The following TMTC2 variants were observed in gnomAD, a reference collection of about 807,000 sequenced individuals.
The protein encoded by TMTC2 is protein O-mannosyl-transferase TMTC2.
Under a neutral mutation model 82.4 loss-of-function variants are expected in TMTC2, and 43 were observed. That is an observed-to-expected ratio of 0.52 (90% CI 0.41 to 0.67). The LOEUF is 0.67. Among genes scored for constraint, TMTC2 ranks in the 30% least tolerant of loss-of-function variants. TMTC2 has a pLI of 0.00. For synonymous variants in TMTC2, 408 were observed against 381.9 expected, an observed-to-expected ratio of 1.07 and a Z score of -0.80; for missense variants, 919 against 1,012.4, an observed-to-expected ratio of 0.91 and a Z score of 1.25.
At chr12:82,892,882 A>T (rs757033957) in intron 2 of TMTC2, among the ~76,000 whole-genome samples, 13 of 152,124 alleles carry the variant, frequency 8.5e-5, no homozygotes, top group Non-Finnish European at 1.5e-4. Context: ...GTATAATCTA[A>T]GAGTACTCAA....
At chr12:83,061,537 G>A (rs955090547) in intron 10 of TMTC2, among the ~76,000 whole-genome samples, 2 of 151,652 alleles carry the variant, frequency 1.3e-5, no homozygotes, top group Non-Finnish European at 1.5e-5. Context: ...ATATGTAAAT[G>A]TGAAATAACA....
intron 1 of TMTC2, among the ~76,000 whole-genome samples, chr12:82,847,212 C>A (rs1287990042): frequency 6.6e-6 from 1 of 152,160 alleles, no homozygotes; most frequent in Non-Finnish European, 1.5e-5. Context: ...GGTTAAGTGG[C>A]AAATGAGTGC....
chr12:82,982,661 A>G (rs181333566), intron 7 of TMTC2, among the ~76,000 whole-genome samples: 2 of 152,094 alleles, frequency 1.3e-5, no homozygotes, highest in East Asian at 3.9e-4. Context: ...TTAATTCAAT[A>G]GATAAGCCCA....
intron 1 of TMTC2, among the ~76,000 whole-genome samples, chr12:82,745,702 T>C (rs1323270824): frequency 6.6e-6 from 1 of 152,178 alleles, no homozygotes; most frequent in Non-Finnish European, 1.5e-5. Context: ...CAGCCTGCAA[T>C]AGAACAGGAT....
chr12:82,690,259 C>T (rs919277914), intron 1 of TMTC2: 1 of 433,030 alleles, frequency 2.3e-6, no homozygotes. Context: ...TGCAAAGATT[C>T]ATGTTTAAAA....
intron 1 of TMTC2, among the ~76,000 whole-genome samples, chr12:82,713,358 GAA>G (rs1159212306): frequency 6.6e-6 from 1 of 151,844 alleles, no homozygotes; most frequent in Non-Finnish European, 1.5e-5. Context: ...CAAAAACCGA[GAA>G]AGAGAGAAAG....
At chr12:83,011,209 C>A (rs1047693994) in intron 8 of TMTC2, among the ~76,000 whole-genome samples, 10 of 152,174 alleles carry the variant, frequency 6.6e-5, no homozygotes, top group Non-Finnish European at 1.5e-4. Flanking sequence ...GCCTGACTTC[C>A]TTTTCCATTA....
intron 7 of TMTC2, among the ~76,000 whole-genome samples, chr12:82,971,127 A>G (rs1841734343): frequency 1.3e-5 from 2 of 152,208 alleles, no homozygotes; most frequent in South Asian, 4.1e-4. Context: ...TTATAAAATA[A>G]TCTCTTTAAT....
intron 11 of TMTC2, among the ~76,000 whole-genome samples, chr12:83,067,710 T>C (rs1487274142): frequency 2.0e-5 from 3 of 152,064 alleles, no homozygotes; most frequent in Non-Finnish European, 2.9e-5. Context: ...GATGCAGGCC[T>C]GTACTATCTA....
At chr12:82,756,452 G>A (rs1006706411) in intron 1 of TMTC2, among the ~76,000 whole-genome samples, 5 of 152,160 alleles carry the variant, frequency 3.3e-5, no homozygotes, top group African/African-American at 7.2e-5. Context: ...GTAAAGCTGC[G>A]TGAGGGTTTT....
intron 4 of TMTC2, among the ~76,000 whole-genome samples, chr12:82,939,099 A>G (rs910409879): frequency 6.6e-6 from 1 of 152,158 alleles, no homozygotes; most frequent in Non-Finnish European, 1.5e-5. Flanking sequence ...TTTCAAAACT[A>G]TATTGCTTCA....
intron 1 of TMTC2, among the ~76,000 whole-genome samples, chr12:82,770,400 A>G (rs914871326): frequency 6.6e-6 from 1 of 151,996 alleles, no homozygotes; most frequent in Non-Finnish European, 1.5e-5. Context: ...AGAACTGAGC[A>G]CTCTATTTTA....
intron 1 of TMTC2, among the ~76,000 whole-genome samples, chr12:82,818,539 A>G (rs1868887821): frequency 6.6e-6 from 1 of 152,142 alleles, no homozygotes; most frequent in Non-Finnish European, 1.5e-5. Flanking sequence ...ACAGTGAACA[A>G]GGCTGTAGGT....
intron 1 of TMTC2, among the ~76,000 whole-genome samples, chr12:82,833,035 G>T (rs1288143022): frequency 6.6e-6 from 1 of 152,196 alleles, no homozygotes; most frequent in Non-Finnish European, 1.5e-5. Flanking sequence ...CAGTCTAATT[G>T]TAGTTAGGCA....
chr12:83,020,129 G>A (rs1592698143), intron 8 of TMTC2, among the ~76,000 whole-genome samples: 1 of 152,128 alleles, frequency 6.6e-6, no homozygotes, highest in Non-Finnish European at 1.5e-5. Flanking sequence ...CACTAAATCA[G>A]ACCAACTGTT....
At chr12:82,952,731 T>TGTTG (rs1877412774) in intron 4 of TMTC2, among the ~76,000 whole-genome samples, 1 of 151,958 alleles carries the variant, frequency 6.6e-6, no homozygotes, top group African/African-American at 2.4e-5. Flanking sequence ...TGTGGTGTTT[T>TGTTG]TTTGTTTGTT....
intron 1 of TMTC2, among the ~76,000 whole-genome samples, chr12:82,725,981 G>A (rs1874427925): frequency 6.6e-6 from 1 of 152,116 alleles, no homozygotes; most frequent in African/African-American, 2.4e-5. Flanking sequence ...TTCAAGATTG[G>A]GAGGGCTTGG....
intron 3 of TMTC2, among the ~76,000 whole-genome samples, chr12:82,919,897 C>T (rs538830079): frequency 2.6e-5 from 4 of 152,180 alleles, no homozygotes; most frequent in Admixed American, 1.3e-4. Flanking sequence ...AGACTGGCAT[C>T]GTACACTGGT....
At chr12:82,707,204 G>C (rs150173596) in intron 1 of TMTC2, among the ~76,000 whole-genome samples, 316 of 152,278 alleles carry the variant, frequency 2.1e-3, no homozygotes, top group African/African-American at 7.3e-3. Context: ...CCACTTCCTT[G>C]TTCAAAGTGG....
Sources: gnomAD v4.1 joint callset for allele counts (sites outside exome capture counted in the v4.1 genomes callset) on GRCh38, gnomAD v4.1.1 for gene constraint, MANE v1.5 for transcripts, NCBI Gene and HGNC (gene_info 2026-07-23, HGNC 2026-07-21) for gene names.